Variants in ASAP1 observed in about 807,000 individuals in gnomAD.
ASAP1 encodes the protein ArfGAP with SH3 domain, ankyrin repeat and PH domain 1.
A neutral mutation model predicts 145.2 loss-of-function variants in ASAP1; 43 were observed. That is an observed-to-expected ratio of 0.30 (90% CI 0.23 to 0.38). The LOEUF (loss-of-function observed/expected upper bound fraction) is 0.38. Ranked by LOEUF, ASAP1 falls within the 10% of genes least tolerant of loss-of-function variation. The pLI is 1.00. For synonymous variants in ASAP1, 546 were observed against 515.5 expected (o/e 1.06, Z -0.80); for missense variants, 1,018 against 1,355.3 (o/e 0.75, Z 3.91).
At chr8:130,355,100 A>G (rs1441671971) in intron 3 of ASAP1, among the ~76,000 whole-genome samples, 1 of 152,024 alleles carries the variant, frequency 6.6e-6, no homozygotes, top group African/African-American at 2.4e-5. Context: ...GCTGGTCTCG[A>G]ACTCCTGACC....
intron 12 of ASAP1, among the ~76,000 whole-genome samples, chr8:130,155,083 C>T (rs1398109415): frequency 1.3e-5 from 2 of 152,188 alleles, no homozygotes; most frequent in African/African-American, 2.4e-5. Context: ...AACACTCAAT[C>T]CACCAATCAA....
chr8:130,314,262 C>T (rs1823534988), intron 3 of ASAP1, among the ~76,000 whole-genome samples: 1 of 152,126 alleles, frequency 6.6e-6, no homozygotes, highest in South Asian at 2.1e-4. Context: ...CTTCATACCA[C>T]TTTTTATGAT....
At chr8:130,405,727 CTCTG>C (rs1828997416) in intron 1 of ASAP1, among the ~76,000 whole-genome samples, 1 of 152,226 alleles carries the variant, frequency 6.6e-6, no homozygotes, top group African/African-American at 2.4e-5. Flanking sequence ...GCTGCCTTGA[CTCTG>C]AACTAATTCG....
chr8:130,059,949 T>C (rs55796310), intron 28 of ASAP1, among the ~76,000 whole-genome samples: 25,526 of 151,688 alleles, frequency 0.17, 2,606 homozygotes, highest in East Asian at 0.43. Flanking sequence ...CGTAGTGATA[T>C]GTACCTTGGT....
At chr8:130,375,819 A>G (rs931785824) in intron 2 of ASAP1, among the ~76,000 whole-genome samples, 7 of 152,202 alleles carry the variant, frequency 4.6e-5, no homozygotes, top group Non-Finnish European at 8.8e-5. Context: ...AAATACTAAA[A>G]AGCATGATTT....
chr8:130,155,928 C>T (rs1450796979), intron 12 of ASAP1, among the ~76,000 whole-genome samples: 2 of 152,190 alleles, frequency 1.3e-5, no homozygotes, highest in African/African-American at 4.8e-5. Context: ...AACTTTGATG[C>T]CAGATCACTT....
intron 3 of ASAP1, among the ~76,000 whole-genome samples, chr8:130,318,305 T>C (rs1411883915): frequency 6.6e-6 from 1 of 152,126 alleles, no homozygotes; most frequent in African/African-American, 2.4e-5. Context: ...TGGTTTCAAA[T>C]TCCTGGCTTC....
At chr8:130,291,077 C>T (rs1821916649) in intron 3 of ASAP1, among the ~76,000 whole-genome samples, 1 of 152,154 alleles carries the variant, frequency 6.6e-6, no homozygotes, top group South Asian at 2.1e-4. Context: ...CTGAGGCTTG[C>T]CTCTGCTGCA....
chr8:130,118,017 G>A, intron 20 of ASAP1, 144 bp downstream of exon 20: 1 of 561,452 alleles, frequency 1.8e-6, no homozygotes, highest in South Asian at 2.5e-5. Context: ...GAGACTTCAT[G>A]CCTGCAAAGC....
chr8:130,069,163 C>A (rs1178072446), intron 27 of ASAP1, among the ~76,000 whole-genome samples: 5 of 152,128 alleles, frequency 3.3e-5, no homozygotes, highest in Non-Finnish European at 5.9e-5. Flanking sequence ...TGGGACTCAT[C>A]CCAGCAGGGT....
intron 3 of ASAP1, among the ~76,000 whole-genome samples, chr8:130,300,177 G>GAT: frequency 6.7e-6 from 1 of 149,148 alleles, no homozygotes; most frequent in Non-Finnish European, 1.5e-5. Flanking sequence ...GAGAGAGAGA[G>GAT]AGAGAGAGAG....
intron 1 of ASAP1, among the ~76,000 whole-genome samples, chr8:130,412,772 C>T (rs1358746039): frequency 1.3e-5 from 2 of 151,890 alleles, no homozygotes; most frequent in Admixed American, 6.6e-5. Flanking sequence ...CTGCCTCAGC[C>T]TCCTGAGTAG....
intron 29 of ASAP1, among the ~76,000 whole-genome samples, chr8:130,056,264 C>A: frequency 6.6e-6 from 1 of 152,210 alleles, no homozygotes. Flanking sequence ...CTTCAGAGCC[C>A]ACCTCCTCGT....
At chr8:130,266,699 T>C (rs900235725) in intron 3 of ASAP1, among the ~76,000 whole-genome samples, 1 of 152,048 alleles carries the variant, frequency 6.6e-6, no homozygotes, top group Non-Finnish European at 1.5e-5. Context: ...TTTGATTTAA[T>C]ACAGTTACTG....
At chr8:130,152,283 A>G (rs1290813734) in intron 13 of ASAP1, among the ~76,000 whole-genome samples, 2 of 152,178 alleles carry the variant, frequency 1.3e-5, no homozygotes, top group Non-Finnish European at 2.9e-5. Context: ...ATTTTCCACT[A>G]CAATCTCTGC....
At chr8:130,133,273 G>T (rs1463099792) in intron 15 of ASAP1, among the ~76,000 whole-genome samples, 1 of 152,200 alleles carries the variant, frequency 6.6e-6, no homozygotes. Context: ...AAAGAAGAGG[G>T]AATAAAGACA....
chr8:130,109,542 A>C (rs2097543335), intron 24 of ASAP1, among the ~76,000 whole-genome samples: 1 of 152,120 alleles, frequency 6.6e-6, no homozygotes, highest in African/African-American at 2.4e-5. Flanking sequence ...TTCTGCTGCA[A>C]ATAGAGACCT....
At chr8:130,442,940 A>AC (rs1830536541) in intron 1 of ASAP1, among the ~76,000 whole-genome samples, 1 of 151,076 alleles carries the variant, frequency 6.6e-6, no homozygotes, top group Non-Finnish European at 1.5e-5. Context: ...GACTCCCCCC[A>AC]CCCCCTTCCC....
intron 3 of ASAP1, among the ~76,000 whole-genome samples, chr8:130,279,279 A>G (rs1444825922): frequency 1.3e-5 from 2 of 152,314 alleles, no homozygotes; most frequent in East Asian, 3.9e-4. Flanking sequence ...GGTCTGAATC[A>G]TACACCCAGC....
Sources: allele counts gnomAD v4.1 joint callset (sites outside exome capture counted in the v4.1 genomes callset), GRCh38; gene constraint gnomAD v4.1.1; transcripts MANE v1.5; gene names NCBI Gene and HGNC (gene_info 2026-07-23, HGNC 2026-07-21).